Variants in LARP1B observed in about 807,000 individuals in gnomAD.
The protein encoded by LARP1B is La ribonucleoprotein 1B, also known as la-related protein 1B.
A neutral mutation model predicts 114.2 loss-of-function variants in LARP1B; 76 were observed. The ratio of observed to expected loss-of-function variants is 0.67; its 90% CI spans 0.55 to 0.81. The LOEUF is 0.81. Among genes scored for constraint, LARP1B ranks in the 30% least tolerant of loss-of-function variants. LARP1B has a pLI of 0.00. For missense variants in LARP1B, 1,014 were observed against 1,075.8 expected (o/e 0.94, Z 0.80); for synonymous variants, 345 against 348.0 (o/e 0.99, Z 0.10).
At chr4:128,121,682 A>T in intron 10 of LARP1B, 144 bp from the exon 11 acceptor site, 1 of 566,594 alleles carries the variant, frequency 1.8e-6, no homozygotes, top group South Asian at 3.2e-5. Context: ...AATAATACTC[A>T]CTTGATTTTC....
intron 9 of LARP1B, chr4:128,108,955 A>C (rs1395284085): frequency 1.7e-5 from 7 of 419,480 alleles, no homozygotes; most frequent in Non-Finnish European, 2.2e-5. Flanking sequence ...ATGCACATAC[A>C]TATTGTCTGA....
chr4:128,089,477 C>T (rs774950044), intron 5 of LARP1B, among the ~76,000 whole-genome samples: 2 of 150,064 alleles, frequency 1.3e-5, no homozygotes, highest in African/African-American at 2.5e-5. Context: ...CTGGGATTAC[C>T]GGCGCCCACC....
chr4:128,152,190 C>T (rs1581050804), intron 11 of LARP1B, among the ~76,000 whole-genome samples: 1 of 147,806 alleles, frequency 6.8e-6, no homozygotes, highest in Non-Finnish European at 1.5e-5. Flanking sequence ...AGCTATTATG[C>T]TTATTATAAG....
intron 15 of LARP1B, among the ~76,000 whole-genome samples, chr4:128,191,532 T>G (rs1752280120): frequency 6.6e-6 from 1 of 152,126 alleles, no homozygotes; most frequent in African/African-American, 2.4e-5. Context: ...ATTGGAGCAC[T>G]GCCTGTCAGA....
At chr4:128,097,561 C>T (rs1269239309) in intron 7 of LARP1B, among the ~76,000 whole-genome samples, 1 of 152,140 alleles carries the variant, frequency 6.6e-6, no homozygotes, top group Non-Finnish European at 1.5e-5. Flanking sequence ...CCCATCTCAG[C>T]CTCCCCAAGT....
intron 10 of LARP1B, among the ~76,000 whole-genome samples, chr4:128,121,032 A>G (rs1043044269): frequency 6.6e-6 from 1 of 150,480 alleles, no homozygotes; most frequent in Admixed American, 6.6e-5. Context: ...GCTGGTCTTG[A>G]ACTCCTGACC....
downstream of LARP1B, among the ~76,000 whole-genome samples, chr4:128,212,791 T>A (rs182204295): frequency 6.6e-5 from 10 of 152,238 alleles, no homozygotes; most frequent in Non-Finnish European, 1.3e-4. Context: ...ATTTAAGACC[T>A]CTAGGAAGGT....
rs1013098835 is a variant in LARP1B at position 128,082,742 on chromosome 4, G to T, written c.358+437G>T. ...TTTGGGTTTTCTAATGTTTCCTTAT[G>T]ATTGGATTGGGGTTGTGAATTTTTG... On this transcript the variant is annotated intron_variant, in intron 5 of 19. Transcript: ENST00000326639. Among the ~76,000 whole-genome samples, 21 of 150,986 alleles carry T rather than the reference G, an allele frequency of 1.4e-4. 1 individual carries two copies. The highest frequency in any genetic ancestry group is 1.4e-3 in the Admixed American group (21 of 15,166).
chr4:128,070,813 G>A (rs1176876446), intron 1 of LARP1B, among the ~76,000 whole-genome samples: 2 of 151,712 alleles, frequency 1.3e-5, no homozygotes, highest in African/African-American at 2.4e-5. Flanking sequence ...AAAAAAAATA[G>A]CTAAGGAGTG....
At position 128,210,715 on chromosome 4, in the gene LARP1B, C is replaced by G. The variant is rs749704801; in HGVS notation, c.*662C>G. 3.6e-5 allele frequency: 35 copies of G among 985,084 alleles called. No homozygotes were observed. In the Admixed American group the frequency reaches 1.5e-3, roughly 42 times the overall value. 61.0% of individuals were successfully genotyped at this position (985,084 alleles called of 1,614,324 possible). A position where few individuals can be genotyped will look rare whatever the true frequency, so the allele number is the denominator to read the frequency against. On this transcript the variant is annotated 3_prime_UTR_variant, in exon 20 of 20. Coordinates refer to ENST00000326639, the MANE Select transcript of LARP1B (RefSeq NM_018078.4). ...ATGCTAGGTTTTGCTTTTCTCCCCC[C>G]AGTCATATCTCATGATTTCCACAGT...
Position 128,160,522 on chromosome 4 carries a change from TTG to T in LARP1B, c.1525-1654_1525-1653del, listed in dbSNP as rs70966082. On this transcript the variant is annotated intron_variant, in intron 11 of 19. Coordinates refer to ENST00000326639, the MANE Select transcript of LARP1B (RefSeq NM_018078.4). ...TATATACTTATGATTTGTACACTTCTTGTGTGTGTGTGTGTGTGTATGTTATA... is the reference window on the plus strand; with the variant it reads ...TATATACTTATGATTTGTACACTTCTTGTGTGTGTGTGTGTGTATGTTATA... 3.6e-3 allele frequency among the ~76,000 whole-genome samples: 535 copies of T among 150,602 alleles called. 3 individuals are homozygous for T. Among genetic ancestry groups the T allele is most frequent in the African/African-American group, 0.011 (436 of 41,166 alleles).
chr4:128,156,325 C>T (rs1199520681), intron 11 of LARP1B: 4 of 676,020 alleles, frequency 5.9e-6, no homozygotes, highest in South Asian at 1.8e-5. Flanking sequence ...TTCTCCATCC[C>T]TCTAATGAGA....
At chr4:128,169,012 T>TAAGTAA (rs1742352907) in intron 12 of LARP1B, among the ~76,000 whole-genome samples, 1 of 152,140 alleles carries the variant, frequency 6.6e-6, no homozygotes, top group Non-Finnish European at 1.5e-5. Context: ...GTCTTTTTTC[T>TAAGTAA]CAGGTGAGCT....
chr4:128,154,716 C>G (rs918132282), intron 11 of LARP1B, among the ~76,000 whole-genome samples: 1 of 152,158 alleles, frequency 6.6e-6, no homozygotes, highest in African/African-American at 2.4e-5. Flanking sequence ...CCTGTTCTAC[C>G]TTTGCACCAC....
At chr4:128,135,147 A>AATAAAAG (rs1792935589) in intron 11 of LARP1B, among the ~76,000 whole-genome samples, 1 of 151,164 alleles carries the variant, frequency 6.6e-6, no homozygotes, top group Non-Finnish European at 1.5e-5. Context: ...ATAAATAAAA[A>AATAAAAG]GGATAACAAA....
At chr4:128,168,159 G>A (rs991191267) in intron 12 of LARP1B, among the ~76,000 whole-genome samples, 6 of 151,988 alleles carry the variant, frequency 3.9e-5, no homozygotes, top group African/African-American at 1.2e-4. Context: ...CATACAGTAA[G>A]TATAACTTTT....
chr4:128,072,699 G>T (rs1661754781), intron 1 of LARP1B, among the ~76,000 whole-genome samples: 1 of 152,008 alleles, frequency 6.6e-6, no homozygotes, highest in South Asian at 2.1e-4. Context: ...TGGGATTACA[G>T]GCATGCGCCA....
At chr4:128,195,859 C>T (rs1183879421) in intron 15 of LARP1B, among the ~76,000 whole-genome samples, 1 of 152,074 alleles carries the variant, frequency 6.6e-6, no homozygotes, top group Non-Finnish European at 1.5e-5. Flanking sequence ...TTTAGCTAGA[C>T]TGACAAAGAA....
At chr4:128,167,455 A>G (rs1741623045) in intron 12 of LARP1B, among the ~76,000 whole-genome samples, 1 of 151,904 alleles carries the variant, frequency 6.6e-6, no homozygotes, top group African/African-American at 2.4e-5. Flanking sequence ...TTACTTATGT[A>G]TTTTGGATAT....
Sources: gnomAD v4.1 joint callset for allele counts (sites outside exome capture counted in the v4.1 genomes callset) on GRCh38, gnomAD v4.1.1 for gene constraint, MANE v1.5 for transcripts, NCBI Gene and HGNC (gene_info 2026-07-23, HGNC 2026-07-21) for gene names.